Variants in NRP2 observed in about 807,000 individuals in gnomAD.
NRP2 encodes neuropilin-2.
In NRP2, 52 loss-of-function variants were observed where a neutral mutation model predicts 110.4. That is an observed-to-expected ratio of 0.47 (90% CI 0.38 to 0.59). The LOEUF is 0.59. Ranked by LOEUF, NRP2 falls within the 20% of genes least tolerant of loss-of-function variation. The pLI, the probability that NRP2 is intolerant of heterozygous loss-of-function variation, is 0.00. For synonymous variants in NRP2, 508 were observed against 468.9 expected (o/e 1.08, Z -1.08); for missense variants, 1,049 against 1,203.0 (o/e 0.87, Z 1.89).
intron 15 of NRP2, chr2:205,767,105 C>G: frequency 2.2e-6 from 1 of 458,214 alleles, no homozygotes; most frequent in Non-Finnish European, 3.9e-6. Flanking sequence ...GCTGAAAATG[C>G]AGGGGTGGTG....
At chr2:205,698,368 C>A (rs1347149588) in intron 2 of NRP2, among the ~76,000 whole-genome samples, 1 of 152,152 alleles carries the variant, frequency 6.6e-6, no homozygotes, top group Non-Finnish European at 1.5e-5. Context: ...ATTTACTTTG[C>A]ACAGTGGGCC....
rs73983218 is a variant in NRP2, at chr2:205,697,309, C to T, written c.74-235C>T. Among the ~76,000 whole-genome samples the T allele has an allele frequency of 5.0e-3, 322 of 64,154 alleles. 3 individuals are homozygous for T. The highest frequency in any genetic ancestry group is 0.023 in the African/African-American group (308 of 13,334). 42.1% of individuals were successfully genotyped at this position (64,154 alleles called of 152,430 possible). On this transcript the variant is annotated intron_variant, in intron 1 of 16. Transcript: ENST00000357785. ...TTATGGCCATGTTCTGGAATACTTT[C>T]ATCTGTGTGTGTGTGTGTGTGTGTG...
chr2:205,794,705 C>G, intron 16 of NRP2, 49 bp from the exon 17 acceptor site: 1 of 1,597,092 alleles, frequency 6.3e-7, no homozygotes, highest in Non-Finnish European at 8.6e-7. Context: ...GTCACTTCAC[C>G]CTGACATAGG....
At chr2:205,731,811 C>G (rs1175585518) in intron 7 of NRP2, among the ~76,000 whole-genome samples, 1 of 152,112 alleles carries the variant, frequency 6.6e-6, no homozygotes, top group Admixed American at 6.6e-5. Context: ...CAGAATTACC[C>G]CACCAGGAGT....
intron 2 of NRP2, among the ~76,000 whole-genome samples, chr2:205,715,375 G>T (rs2056874157): frequency 6.6e-6 from 1 of 152,174 alleles, no homozygotes; most frequent in Non-Finnish European, 1.5e-5. Context: ...TCCACTTCAG[G>T]AGGGCAGCCT....
At chr2:205,697,973 C>T (rs72939381) in intron 2 of NRP2, 287 of 522,632 alleles carry the variant, frequency 5.5e-4, no homozygotes, top group Admixed American at 2.6e-3. Flanking sequence ...CTCCAAAGGC[C>T]GGTAGTGGAG....
chr2:205,695,240 G>A (rs553039468), intron 1 of NRP2, among the ~76,000 whole-genome samples: 2 of 152,262 alleles, frequency 1.3e-5, no homozygotes, highest in East Asian at 3.9e-4. Flanking sequence ...TTTTCTTTTG[G>A]TTTAACAGCA....
intron 2 of NRP2, among the ~76,000 whole-genome samples, chr2:205,707,631 A>G (rs2056707660): frequency 6.6e-6 from 1 of 152,194 alleles, no homozygotes; most frequent in African/African-American, 2.4e-5. Context: ...TAGAAAAATG[A>G]TATGGAGCCT....
intron 1 of NRP2, among the ~76,000 whole-genome samples, chr2:205,688,317 C>G (rs2056223277): frequency 6.6e-6 from 1 of 152,186 alleles, no homozygotes; most frequent in Non-Finnish European, 1.5e-5. Context: ...GTATATTGAT[C>G]ACCAGAAGTT....
intron 16 of NRP2, among the ~76,000 whole-genome samples, chr2:205,794,498 C>G (rs2058334208): frequency 6.6e-6 from 1 of 152,232 alleles, no homozygotes; most frequent in South Asian, 2.1e-4. Context: ...ATCCTCCTAA[C>G]AACCCAGTTG....
chr2:205,791,201 G>A (rs913457498), intron 15 of NRP2, among the ~76,000 whole-genome samples: 26 of 152,182 alleles, frequency 1.7e-4, no homozygotes, highest in East Asian at 3.9e-4. Flanking sequence ...TACTTCAGCC[G>A]TTTGGGATTT....
intron 16 of NRP2, among the ~76,000 whole-genome samples, chr2:205,793,997 G>A (rs1240800693): frequency 6.6e-6 from 1 of 152,232 alleles, no homozygotes; most frequent in Non-Finnish European, 1.5e-5. Flanking sequence ...GAGGAGGTTG[G>A]AAAGGAGGGA....
chr2:205,692,867 A>G (rs1433322266), intron 1 of NRP2, among the ~76,000 whole-genome samples: 1 of 152,208 alleles, frequency 6.6e-6, no homozygotes, highest in Non-Finnish European at 1.5e-5. Flanking sequence ...GGATTTTAGC[A>G]CTGGAACTGA....
At chr2:205,773,086 AT>A (rs1186277927) in intron 15 of NRP2, among the ~76,000 whole-genome samples, 2 of 152,230 alleles carry the variant, frequency 1.3e-5, no homozygotes, top group African/African-American at 4.8e-5. Context: ...TGCTTTGGGT[AT>A]GGATTTAACC....
chr2:205,778,866 G>A (rs892263773), intron 15 of NRP2: 1 of 152,254 alleles, frequency 6.6e-6, no homozygotes, highest in African/African-American at 2.4e-5. Context: ...CTTCAGCTGA[G>A]GATGTCACCT....
chr2:205,706,940 C>G (rs960094043), intron 2 of NRP2, among the ~76,000 whole-genome samples: 6 of 152,228 alleles, frequency 3.9e-5, no homozygotes, highest in Non-Finnish European at 8.8e-5. Flanking sequence ...AAACAAACAG[C>G]CTGCTTCTGG....
rs1326135861 is a variant in NRP2 at position 205,763,969 on chromosome 2, G to A, written c.2307+33G>A. Reference sequence around the variant, plus strand: ...GAGCAAAAAGGGAATCTTGTGATCCGTATTTCAATATTTCAAGGGCCGAGC... The same window carrying A: ...GAGCAAAAAGGGAATCTTGTGATCCATATTTCAATATTTCAAGGGCCGAGC... On this transcript the variant is annotated intron_variant, in intron 13 of 16. Transcript: ENST00000357785. The surrounding 1 kb of genome is among the most constrained non-coding windows in gnomAD (Gnocchi z 4.0). 2 of 1,612,218 alleles carry A rather than the reference G, an allele frequency of 1.2e-6. No homozygotes were observed. Among genetic ancestry groups the A allele is most frequent in the Non-Finnish European group, 1.7e-6 (2 of 1,178,846 alleles).
chr2:205,723,657 G>A (rs545792055), intron 4 of NRP2, 128 bp from the exon 5 acceptor site: 1 of 917,488 alleles, frequency 1.1e-6, no homozygotes, highest in Non-Finnish European at 1.7e-6. Flanking sequence ...ACATATCTTT[G>A]GTTTTTATGG....
intron 7 of NRP2, among the ~76,000 whole-genome samples, chr2:205,729,331 G>A (rs1024413325): frequency 6.6e-6 from 1 of 152,238 alleles, no homozygotes; most frequent in African/African-American, 2.4e-5. Context: ...TAAGGAAAGT[G>A]AGGTACTTAG....
Sources: gnomAD v4.1 joint callset for allele counts (sites outside exome capture counted in the v4.1 genomes callset) on GRCh38, gnomAD v4.1.1 for gene constraint, Gnocchi (gnomAD v3.1) non-coding constraint, MANE v1.5 for transcripts, NCBI Gene and HGNC (gene_info 2026-07-23, HGNC 2026-07-21) for gene names.